EDA: variants seen among roughly 807,000 people sequenced by gnomAD.
The protein encoded by EDA is ectodysplasin-A.
EDA carries 2 observed loss-of-function variants against 23.6 expected under a neutral mutation model. That is an observed-to-expected ratio of 0.08 (90% CI 0.03 to 0.27). EDA has a LOEUF of 0.27. EDA is among the 10% of genes least tolerant of loss of function. The pLI is 1.00. For synonymous variants in EDA, 131 were observed against 132.0 expected (o/e 0.99, Z 0.05); for missense variants, 229 against 324.2 (o/e 0.71, Z 2.26).
chrX:69,638,844 A>T (rs993480348), intron 1 of EDA, among the ~76,000 whole-genome samples: 6 of 111,532 alleles, frequency 5.4e-5, no homozygotes, highest in Admixed American at 9.5e-5. Context: ...TACATTCACA[A>T]TGTTGTGCAA....
intron 1 of EDA, among the ~76,000 whole-genome samples, chrX:69,883,229 C>T (rs1296851578): frequency 1.8e-5 from 2 of 111,852 alleles, no homozygotes; most frequent in Non-Finnish European, 3.8e-5. Flanking sequence ...TCTTTCAAGC[C>T]CAATGCCTAC....
rs777604851 is a variant in EDA at position 70,023,231 on chromosome X, C to T, written c.516C>T (p.Asn172=). The T allele has an allele frequency of 3.6e-6, 4 of 1,099,941 alleles. No individual in the cohort carries two copies. The South Asian group carries it at 7.6e-5, about 21-fold the overall frequency. The allele number at this position is 1,099,941 out of a possible 1,213,427, so 90.6% of individuals were successfully genotyped here. A position where few individuals can be genotyped will look rare whatever the true frequency, so the allele number is the denominator to read the frequency against. Reference sequence around the variant, plus strand: ...TTTTTCTTATAGGCCCAGTTAAAAACAAGAAAAAGGGTAAGTTCCTGACTT... The same window carrying T: ...TTTTTCTTATAGGCCCAGTTAAAAATAAGAAAAAGGGTAAGTTCCTGACTT... ...SNEGADGPVK[N]KKKGKKAGPP... is the part of the protein sequence containing the mutation. The change falls in exon 3 of 8, where the codon AAC becomes AAT. Residue 172 remains asparagine (N), a synonymous_variant. Coordinates refer to ENST00000374552, the MANE Select transcript of EDA (RefSeq NM_001399.5).
At position 69,936,730 on chromosome X, in the gene EDA, C is replaced by T. The variant is rs757068390; in HGVS notation, c.397-20297C>T. 2.7e-5 allele frequency among the ~76,000 whole-genome samples: 3 copies of T among 111,425 alleles called. No individual in the cohort carries two copies. In the South Asian group the frequency reaches 1.1e-3, roughly 42 times the overall value. On this transcript the variant is annotated intron_variant, in intron 1 of 7. Transcript: ENST00000374552. ...TCCACAATCTCAAATAGCTAAAACT[C>T]CTGCAGAATGGAAGGGAGAGACATG...
At chrX:69,995,276 G>A (rs1002046967) in intron 2 of EDA, among the ~76,000 whole-genome samples, 1 of 112,006 alleles carries the variant, frequency 8.9e-6, no homozygotes, top group Non-Finnish European at 1.9e-5. Flanking sequence ...TCAAATACCT[G>A]CTCTCTTCCC....
intron 2 of EDA, among the ~76,000 whole-genome samples, chrX:70,015,917 C>A (rs2019941178): frequency 9.0e-6 from 1 of 111,029 alleles, no homozygotes; most frequent in Admixed American, 9.6e-5. Flanking sequence ...AATTAAAAGT[C>A]ACATAGTGGC....
intron 1 of EDA, among the ~76,000 whole-genome samples, chrX:69,642,404 A>G (rs1181277009): frequency 9.0e-6 from 1 of 111,247 alleles, no homozygotes; most frequent in Non-Finnish European, 1.9e-5. Context: ...TTATATGTGT[A>G]TATTGCTATT....
intron 1 of EDA, among the ~76,000 whole-genome samples, chrX:69,814,892 TAGAC>T (rs113209419): frequency 3.2e-4 from 36 of 111,642 alleles, no homozygotes; most frequent in African/African-American, 9.4e-4. Context: ...TTGGGTCTGA[TAGAC>T]AGAGCTGTAT....
At chrX:69,878,302 G>T (rs912453796) in intron 1 of EDA, among the ~76,000 whole-genome samples, 37 of 112,492 alleles carry the variant, frequency 3.3e-4, no homozygotes, top group African/African-American at 1.1e-3. Context: ...TCGCCAAGGG[G>T]TGCACAAACC....
At chrX:69,686,382 A>G (rs1934544633) in intron 1 of EDA, among the ~76,000 whole-genome samples, 1 of 112,302 alleles carries the variant, frequency 8.9e-6, no homozygotes, top group African/African-American at 3.2e-5. Context: ...GCCTTAATCC[A>G]TGCAAGGCAC....
chrX:69,881,706 A>T (rs985551452), intron 1 of EDA, among the ~76,000 whole-genome samples: 10 of 111,788 alleles, frequency 8.9e-5, no homozygotes, highest in Non-Finnish European at 1.5e-4. Context: ...ATTTGTAAAG[A>T]AAAGAAGTTT....
chrX:69,627,689 G>A (rs982361655), intron 1 of EDA, among the ~76,000 whole-genome samples: 1 of 112,463 alleles, frequency 8.9e-6, no homozygotes. Flanking sequence ...CCCTGTTACA[G>A]ATTATTAGGT....
At chrX:69,749,027 C>T (rs1012176407) in intron 1 of EDA, among the ~76,000 whole-genome samples, 98 of 98,586 alleles carry the variant, frequency 9.9e-4, no homozygotes, top group African/African-American at 3.3e-3. Context: ...CATGCTGGTG[C>T]GCTGCACCCA....
In EDA at chrX:69,658,190, G is replaced by A. The variant is rs185493741; in HGVS notation, c.396+41486G>A. On this transcript the variant is annotated intron_variant, in intron 1 of 7. Coordinates refer to ENST00000374552, the MANE Select transcript of EDA (RefSeq NM_001399.5). ...CCTCATAGAGATATTTTACCTTCTT[G>A]GTTAGCTGTACTCCTAGGTATTTGT... Among the ~76,000 whole-genome samples the A allele has an allele frequency of 5.0e-3, 509 of 101,768 alleles. 2 individuals are homozygous for A. Among genetic ancestry groups the A allele is most frequent in the Middle Eastern group, 9.9e-3 (2 of 203 alleles). The allele number at this position is 101,768 out of a possible 115,157, so 88.4% of individuals were successfully genotyped here.
chrX:69,882,151 C>T (rs1013521719), intron 1 of EDA, among the ~76,000 whole-genome samples: 2 of 111,509 alleles, frequency 1.8e-5, no homozygotes, highest in African/African-American at 6.5e-5. Flanking sequence ...GAAAAAAAAA[C>T]TAGCCTTAAT....
intron 1 of EDA, among the ~76,000 whole-genome samples, chrX:69,694,219 ATTC>A (rs1157630465): frequency 7.2e-5 from 8 of 111,869 alleles, no homozygotes; most frequent in African/African-American, 2.6e-4. Context: ...TTGAATTTAT[ATTC>A]TTTTAAATAT....
intron 2 of EDA, among the ~76,000 whole-genome samples, chrX:70,017,084 A>G (rs112153435): frequency 0.17 from 18,854 of 110,843 alleles, 1,614 homozygotes; most frequent in Middle Eastern, 0.34. Flanking sequence ...AAACACCTCT[A>G]TGCACACAAA....
chrX:69,820,294 G>C (rs1297727765), intron 1 of EDA, among the ~76,000 whole-genome samples: 3 of 111,849 alleles, frequency 2.7e-5, no homozygotes, highest in African/African-American at 9.8e-5. Flanking sequence ...AAAAACCCCA[G>C]AAGAAAATCT....
chrX:69,733,560 G>C (rs1371915161), intron 1 of EDA, among the ~76,000 whole-genome samples: 1 of 111,799 alleles, frequency 8.9e-6, no homozygotes, highest in African/African-American at 3.3e-5. Context: ...TGTTCTTTTT[G>C]CTTAGGATTG....
intron 1 of EDA, among the ~76,000 whole-genome samples, chrX:69,933,275 G>C (rs1408980649): frequency 8.9e-6 from 1 of 112,186 alleles, no homozygotes; most frequent in Admixed American, 9.5e-5. Flanking sequence ...CTTCTGTCAA[G>C]TGTTGATAGT....
Sources: allele counts gnomAD v4.1 joint callset (sites outside exome capture counted in the v4.1 genomes callset), GRCh38; gene constraint gnomAD v4.1.1; transcripts MANE v1.5; gene names NCBI Gene and HGNC (gene_info 2026-07-23, HGNC 2026-07-21).